DBR1: variants seen among roughly 807,000 people sequenced by gnomAD.
DBR1 encodes the protein debranching RNA lariats 1.
DBR1 carries 33 observed loss-of-function variants against 45.9 expected under a neutral mutation model. The ratio of observed to expected loss-of-function variants is 0.72; its 90% CI spans 0.55 to 0.96. DBR1 has a LOEUF of 0.96. DBR1 is among the 40% of genes least tolerant of loss of function. DBR1 has a pLI of 0.00. For synonymous variants in DBR1, 235 were observed against 235.9 expected, an observed-to-expected ratio of 1.00 and a Z score of 0.04; for missense variants, 619 against 667.4, an observed-to-expected ratio of 0.93 and a Z score of 0.80.
intron 5 of DBR1, among the ~76,000 whole-genome samples, chr3:138,165,108 G>C (rs1403673329): frequency 2.0e-5 from 3 of 152,034 alleles, no homozygotes; most frequent in Non-Finnish European, 4.4e-5. Context: ...CTGAACTCCA[G>C]AGCATGGCCT....
chr3:138,170,817 T>C (rs2042950455), intron 3 of DBR1, among the ~76,000 whole-genome samples: 1 of 152,226 alleles, frequency 6.6e-6, no homozygotes, highest in Non-Finnish European at 1.5e-5. Flanking sequence ...TCAGACACAA[T>C]GAAATTAATA....
At chr3:138,171,467 C>T in intron 3 of DBR1, 166 bp downstream of exon 3, 1 of 470,592 alleles carries the variant, frequency 2.1e-6, no homozygotes, top group South Asian at 2.6e-5. Context: ...AAGAACGAAA[C>T]TCTGTCTCAA....
Position 138,161,570 on chromosome 3 carries a change from G to A in DBR1, c.*319C>T. On this transcript the variant is annotated 3_prime_UTR_variant, in exon 8 of 8. Transcript: ENST00000260803. The stretch of plus-strand genomic sequence containing the variant: ...CTAAGACAAGTAAATTGTCGGCCAG[G>A]CACAGTGGCTCACGCCTGTAATCCC... 1 of 242,280 alleles carries A rather than the reference G, an allele frequency of 4.1e-6. No individual in the cohort carries two copies. The highest frequency in any genetic ancestry group is 8.2e-6 in the Non-Finnish European group (1 of 122,640). The allele number at this position is 242,280 out of a possible 1,614,324, so 15.0% of individuals were successfully genotyped here.
At position 138,162,116 on chromosome 3, in the gene DBR1, T is replaced by C; in HGVS notation, c.1408A>G (p.Ile470Val). 1 of 1,614,156 alleles carries C rather than the reference T, an allele frequency of 6.2e-7. No individual in the cohort carries two copies. Among genetic ancestry groups the C allele is most frequent in the Non-Finnish European group, 8.5e-7 (1 of 1,180,030 alleles). Residue 470 changes from isoleucine to valine, a missense_variant, in exon 8 of 8, where the codon ATC becomes GTC. This residue lies in a region of DBR1 where 182 missense variants were observed against 196.1 expected (regional missense o/e 0.93). Transcript: ENST00000260803. ...GATACAATCATAGAGCCTGGCAAGA[T>C]CCTGACATCAGAGAAACTTGCAGAA... The part of the protein sequence containing the change: ...EFSASFSDVR[I>V]LPGSMIVSSD...
chr3:138,165,917 CCT>C (rs2042928610), intron 5 of DBR1, among the ~76,000 whole-genome samples: 1 of 152,170 alleles, frequency 6.6e-6, no homozygotes. Context: ...AAAAGAGTAA[CCT>C]CTCCTTCTCC....
chr3:138,167,807 C>T (rs1263242807), intron 4 of DBR1, among the ~76,000 whole-genome samples: 5 of 151,982 alleles, frequency 3.3e-5, no homozygotes, highest in Non-Finnish European at 5.9e-5. Context: ...TTTAGCTGGA[C>T]GTTGTGGCAT....
rs758850339 is a variant in DBR1, at chr3:138,162,533, A to G, written c.991T>C (p.Leu331=). Residue 331 remains leucine, a synonymous_variant, in exon 8 of 8, where the codon TTG becomes CTG. Transcript: ENST00000260803. Reference sequence around the variant, plus strand: ...CATGGAACCTTGAGATCATGATTCAATTTTTCCAATACTTCTTTCATACCT... The same window carrying G: ...CATGGAACCTTGAGATCATGATTCAGTTTTTCCAATACTTCTTTCATACCT... The part of the protein sequence containing the change: ...EEGMKEVLEK[L]NHDLKVPCNF... The G allele has an allele frequency of 6.2e-7, 1 of 1,613,282 alleles. No homozygotes were observed. Among genetic ancestry groups the G allele is most frequent in the South Asian group, 1.1e-5 (1 of 91,070 alleles).
intron 2 of DBR1, among the ~76,000 whole-genome samples, chr3:138,172,743 C>A (rs1338353635): frequency 1.3e-5 from 2 of 152,158 alleles, no homozygotes; most frequent in Non-Finnish European, 2.9e-5. Flanking sequence ...GGAAATGCTG[C>A]AAGACAAATT....
chr3:138,168,537 AC>A (rs1330395695), intron 4 of DBR1, among the ~76,000 whole-genome samples: 2 of 151,772 alleles, frequency 1.3e-5, no homozygotes, highest in Non-Finnish European at 2.9e-5. Flanking sequence ...AAAAAAAAAA[AC>A]TTAAATAACT....
intron 1 of DBR1, among the ~76,000 whole-genome samples, chr3:138,174,254 G>A (rs2042968266): frequency 6.6e-6 from 1 of 152,090 alleles, no homozygotes; most frequent in African/African-American, 2.4e-5. Flanking sequence ...CAAGTACAAG[G>A]TAGCTATCTA....
chr3:138,174,023 GAAAAAAAAAA>G (rs138787515), intron 1 of DBR1, among the ~76,000 whole-genome samples: 2 of 123,916 alleles, frequency 1.6e-5, no homozygotes, highest in Non-Finnish European at 3.4e-5. Context: ...TCTGTCTCAA[GAAAAAAAAAA>G]AAAAAAAAAA....
chr3:138,171,085 G>T lies in DBR1; in HGVS notation c.403+548C>A, dbSNP rs533652279. Among the ~76,000 whole-genome samples, 111 of 152,192 alleles carry T rather than the reference G, an allele frequency of 7.3e-4. 1 individual carries two copies. Among genetic ancestry groups the T allele is most frequent in the Admixed American group, 2.7e-3 (41 of 15,272 alleles). ...TGACTGCCTGGCAAAGACAGGGAGG[G>T]AAGAAAAGAAGGGAACGGGATTGAG... On this transcript the variant is annotated intron_variant, in intron 3 of 7. Transcript: ENST00000260803.
At chr3:138,166,195 A>T (rs1290985028) in intron 5 of DBR1, among the ~76,000 whole-genome samples, 1 of 152,218 alleles carries the variant, frequency 6.6e-6, no homozygotes, top group African/African-American at 2.4e-5. Context: ...TTTTCTACAC[A>T]GTTTTCCTAT....
chr3:138,170,046 A>C, intron 4 of DBR1, 61 bp downstream of exon 4: 7 of 1,086,814 alleles, frequency 6.4e-6, no homozygotes, highest in Non-Finnish European at 9.8e-6. Flanking sequence ...ACCAAAATAC[A>C]TTTTGGCACA....
intron 1 of DBR1, 149 bp from the exon 2 acceptor site, chr3:138,173,775 TC>T: frequency 1.3e-6 from 1 of 794,620 alleles, no homozygotes. Flanking sequence ...GGTGGCTCCC[TC>T]CTGTAATCCC....
At chr3:138,171,531 C>A (rs993698380) in intron 3 of DBR1, 102 bp downstream of exon 3, 5 of 417,238 alleles carry the variant, frequency 1.2e-5, no homozygotes, top group South Asian at 9.9e-5. Flanking sequence ...AAAACTATAT[C>A]GAGGATACAA....
At position 138,171,815 on chromosome 3, in the gene DBR1, T is replaced by C. The variant is rs531870184; in HGVS notation, c.323-102A>G. ...ATGGAATTCCACACAGTTCTAAAATTATTTGAAAATTAAGCACCATGATGA... is the reference window on the plus strand; with the variant it reads ...ATGGAATTCCACACAGTTCTAAAATCATTTGAAAATTAAGCACCATGATGA... On this transcript the variant is annotated intron_variant, in intron 2 of 7. Coordinates refer to ENST00000260803, the MANE Select transcript of DBR1 (RefSeq NM_016216.4). 454 of 854,932 alleles carry C rather than the reference T, an allele frequency of 5.3e-4. 1 individual carries two copies. Among genetic ancestry groups the C allele is most frequent in the Non-Finnish European group, 8.3e-4 (432 of 521,470 alleles). The allele number at this position is 854,932 out of a possible 1,614,324, so 53.0% of individuals were successfully genotyped here.
At chr3:138,173,865 C>T (rs1474244140) in intron 1 of DBR1, among the ~76,000 whole-genome samples, 3 of 151,702 alleles carry the variant, frequency 2.0e-5, no homozygotes, top group Non-Finnish European at 4.4e-5. Flanking sequence ...GGTGAAACCC[C>T]GTCTCTACTA....
chr3:138,163,296 T>C (rs2042915929), intron 7 of DBR1, 53 bp downstream of exon 7: 2 of 1,583,350 alleles, frequency 1.3e-6, no homozygotes, highest in South Asian at 1.1e-5. Context: ...GTGGGAGATA[T>C]AAAAATTATG....
Sources: gnomAD v4.1 joint callset for allele counts (sites outside exome capture counted in the v4.1 genomes callset) on GRCh38, gnomAD v4.1.1 for gene constraint, gnomAD v4.1.1 regional missense constraint, MANE v1.5 for transcripts, NCBI Gene and HGNC (gene_info 2026-07-23, HGNC 2026-07-21) for gene names.